Variants in STAU2 observed in about 807,000 individuals in gnomAD.
The protein encoded by STAU2 is double-stranded RNA-binding protein Staufen homolog 2.
STAU2 carries 20 observed loss-of-function variants against 65.9 expected under a neutral mutation model. That is an observed-to-expected ratio of 0.30 (90% CI 0.21 to 0.44). The LOEUF (loss-of-function observed/expected upper bound fraction) is 0.44. STAU2 is among the 20% of genes least tolerant of loss of function. The pLI, the probability that STAU2 is intolerant of heterozygous loss-of-function variation, is 1.00. For synonymous variants in STAU2, 232 were observed against 233.9 expected (o/e 0.99, Z 0.07); for missense variants, 558 against 683.9 (o/e 0.82, Z 2.05).
At chr8:73,743,580 T>G (rs1367001571) in intron 1 of STAU2, among the ~76,000 whole-genome samples, 3 of 150,804 alleles carry the variant, frequency 2.0e-5, no homozygotes, top group Non-Finnish European at 4.4e-5. Context: ...TTCAAATGAT[T>G]CTCCTGCCTC....
chr8:73,531,095 T>C (rs1203099585), intron 13 of STAU2, among the ~76,000 whole-genome samples: 2 of 152,238 alleles, frequency 1.3e-5, no homozygotes, highest in East Asian at 1.9e-4. Context: ...CAGGAAGGTG[T>C]CTCAGAGCCA....
At chr8:73,450,556 A>G (rs142565958) in intron 13 of STAU2, among the ~76,000 whole-genome samples, 4 of 152,330 alleles carry the variant, frequency 2.6e-5, no homozygotes, top group African/African-American at 9.6e-5. Flanking sequence ...GAGCAACTGG[A>G]AAGTTCAGGG....
chr8:73,582,330 A>G (rs574896633), intron 12 of STAU2, among the ~76,000 whole-genome samples: 1 of 151,758 alleles, frequency 6.6e-6, no homozygotes, highest in Non-Finnish European at 1.5e-5. Flanking sequence ...TATGTATATC[A>G]TAATTATATA....
At chr8:73,475,273 G>T (rs1820257529) in intron 13 of STAU2, among the ~76,000 whole-genome samples, 2 of 152,088 alleles carry the variant, frequency 1.3e-5, no homozygotes. Flanking sequence ...TCAGTGAGAA[G>T]TTTTTCAAAA....
chr8:73,511,476 C>T (rs1211883403), intron 13 of STAU2: 1 of 152,628 alleles, frequency 6.6e-6, no homozygotes. Context: ...ACTGCCATGA[C>T]CGTAGGAATA....
chr8:73,744,930 C>T (rs1807168119), intron 1 of STAU2, among the ~76,000 whole-genome samples: 1 of 152,178 alleles, frequency 6.6e-6, no homozygotes. Flanking sequence ...TTAAAAATTA[C>T]ACAGCATTTT....
chr8:73,588,491 T>C (rs1586068408), intron 11 of STAU2, among the ~76,000 whole-genome samples: 1 of 152,236 alleles, frequency 6.6e-6, no homozygotes, highest in African/African-American at 2.4e-5. Context: ...GGTGCAGGAA[T>C]GCAGCTGGTT....
intron 6 of STAU2, among the ~76,000 whole-genome samples, chr8:73,643,898 CATAA>C (rs752132300): frequency 1.3e-5 from 2 of 152,138 alleles, no homozygotes; most frequent in Non-Finnish European, 2.9e-5. Context: ...ATATAATTTG[CATAA>C]ATAGATACAC....
At chr8:73,465,191 C>A (rs184922637) in intron 13 of STAU2, among the ~76,000 whole-genome samples, 56 of 152,328 alleles carry the variant, frequency 3.7e-4, no homozygotes, top group African/African-American at 1.3e-3. Context: ...CTCAATTTCC[C>A]GGCCACGGAG....
chr8:73,486,373 T>C (rs1820909421), intron 13 of STAU2, among the ~76,000 whole-genome samples: 1 of 151,992 alleles, frequency 6.6e-6, no homozygotes, highest in Non-Finnish European at 1.5e-5. Flanking sequence ...AAATGAACAC[T>C]TGAATAATCC....
At chr8:73,711,149 A>C (rs1820869967) in intron 3 of STAU2, among the ~76,000 whole-genome samples, 1 of 150,530 alleles carries the variant, frequency 6.6e-6, no homozygotes, top group African/African-American at 2.4e-5. Flanking sequence ...AAAAAAAAAA[A>C]AAAAAAAACT....
At chr8:73,541,749 C>CA (rs1351537539) in intron 13 of STAU2, among the ~76,000 whole-genome samples, 1 of 151,760 alleles carries the variant, frequency 6.6e-6, no homozygotes, top group African/African-American at 2.4e-5. Flanking sequence ...AAAGGAACTA[C>CA]AAAAAACAAC....
chr8:73,738,381 A>T lies in STAU2; in HGVS notation c.-83-32T>A. 4.6e-6 allele frequency: 7 copies of T among 1,529,014 alleles called. No individual in the cohort carries two copies. In the South Asian group the frequency reaches 8.3e-5, roughly 18 times the overall value. The allele number at this position is 1,529,014 out of a possible 1,614,324, so 94.7% of individuals were successfully genotyped here. A position where few individuals can be genotyped will look rare whatever the true frequency, so the allele number is the denominator to read the frequency against. Reference sequence around the variant, plus strand: ...AACGAAAATGAAGAAATAAAGTTCAACTTAGCTGATAACCTCAATGACTGG... The same window carrying T: ...AACGAAAATGAAGAAATAAAGTTCATCTTAGCTGATAACCTCAATGACTGG... On this transcript the variant is annotated intron_variant, in intron 2 of 14. Coordinates refer to ENST00000524300, the MANE Select transcript of STAU2 (RefSeq NM_001164380.2).
rs1025068531 is a variant in STAU2 at position 73,746,812 on chromosome 8, T to A, written c.-226A>T. 8.1e-7 allele frequency: 1 copy of A among 1,231,026 alleles called. No individual in the cohort carries two copies. Among genetic ancestry groups the A allele is most frequent in the Non-Finnish European group, 1.0e-6 (1 of 986,500 alleles). 76.3% of individuals were successfully genotyped at this position (1,231,026 alleles called of 1,614,324 possible). The stretch of plus-strand genomic sequence containing the variant: ...TTGCCGGGGACACTTTGCAGACGGC[T>A]CCAACATTGGCAAACACTACAGAGA... On this transcript the variant is annotated 5_prime_UTR_variant, in exon 1 of 15. Transcript: ENST00000524300.
intron 11 of STAU2, among the ~76,000 whole-genome samples, chr8:73,593,194 ACTGGC>A (rs1370973097): frequency 6.6e-6 from 1 of 152,138 alleles, no homozygotes; most frequent in Non-Finnish European, 1.5e-5. Context: ...TTGCCTCCTG[ACTGGC>A]CTTTCTGCCT....
chr8:73,517,946 C>T (rs1304070526), intron 13 of STAU2, among the ~76,000 whole-genome samples: 1 of 152,160 alleles, frequency 6.6e-6, no homozygotes, highest in East Asian at 1.9e-4. Context: ...CCACTAGCTT[C>T]CCCTATAACT....
chr8:73,709,397 A>G (rs1820735705), intron 3 of STAU2, among the ~76,000 whole-genome samples: 1 of 152,132 alleles, frequency 6.6e-6, no homozygotes, highest in Non-Finnish European at 1.5e-5. Flanking sequence ...CTATGTATAT[A>G]ACAGCATGCT....
intron 13 of STAU2, among the ~76,000 whole-genome samples, chr8:73,424,239 C>T (rs1449593710): frequency 4.0e-5 from 5 of 126,098 alleles, no homozygotes; most frequent in Admixed American, 1.0e-4. Flanking sequence ...CTTACTCTGT[C>T]GCCCAGGCTG....
intron 13 of STAU2, among the ~76,000 whole-genome samples, chr8:73,530,535 A>G (rs776391601): frequency 1.3e-5 from 2 of 152,194 alleles, no homozygotes; most frequent in Non-Finnish European, 2.9e-5. Flanking sequence ...CAGAGTGGGA[A>G]TACCTGCATG....
Sources: gnomAD v4.1 joint callset for allele counts (sites outside exome capture counted in the v4.1 genomes callset) on GRCh38, gnomAD v4.1.1 for gene constraint, MANE v1.5 for transcripts, NCBI Gene and HGNC (gene_info 2026-07-23, HGNC 2026-07-21) for gene names.